Variants in SAMD5 observed in about 807,000 individuals in gnomAD.
SAMD5 encodes the protein sterile alpha motif domain containing 5, also known as sterile alpha motif domain-containing protein 5.
In SAMD5, 13 loss-of-function variants were observed where a neutral mutation model predicts 11.3. That is an observed-to-expected ratio of 1.15 (90% CI 0.75 to 1.83). The LOEUF is 1.83. Among genes scored for constraint, SAMD5 ranks in the 40% most tolerant of loss-of-function variants. SAMD5 has a pLI of 0.00. For missense variants in SAMD5, 255 were observed against 239.1 expected (o/e 1.07, Z -0.44); for synonymous variants, 129 against 111.3 (o/e 1.16, Z -1.00).
chr6:147,522,546 A>G (rs926659407), intron 1 of SAMD5, among the ~76,000 whole-genome samples: 1 of 152,200 alleles, frequency 6.6e-6, no homozygotes, highest in Non-Finnish European at 1.5e-5. Flanking sequence ...CGTAACTGAG[A>G]AGAAGTAAAA....
chr6:147,794,105 A>G, the SAMD5 span, among the ~76,000 whole-genome samples: 8 of 152,204 alleles, frequency 5.3e-5, no homozygotes, highest in Admixed American at 4.6e-4. Flanking sequence ...GAAAAAATGC[A>G]TCTGTCTTCC....
the SAMD5 span, among the ~76,000 whole-genome samples, chr6:147,852,961 G>A: frequency 5.0e-4 from 76 of 152,168 alleles, 1 homozygote; most frequent in African/African-American, 1.7e-3. Context: ...TAAAACATTC[G>A]ATTTGTCATC....
At chr6:147,877,891 A>ATAGC in the SAMD5 span, among the ~76,000 whole-genome samples, 46 of 90,266 alleles carry the variant, frequency 5.1e-4, no homozygotes, top group Admixed American at 2.7e-3. Flanking sequence ...CGATAGATAG[A>ATAGC]TAGCTAGATA....
intron 1 of SAMD5, among the ~76,000 whole-genome samples, chr6:147,520,188 G>C (rs1788230855): frequency 6.7e-6 from 1 of 149,044 alleles, no homozygotes; most frequent in Non-Finnish European, 1.5e-5. Context: ...CACCATCTTG[G>C]CTCACTGCAA....
the SAMD5 span, among the ~76,000 whole-genome samples, chr6:147,802,434 A>G: frequency 6.6e-4 from 101 of 152,000 alleles, no homozygotes; most frequent in Admixed American, 1.6e-3. Flanking sequence ...ATGTGGAACA[A>G]CTCGAGCTCT....
the SAMD5 span, among the ~76,000 whole-genome samples, chr6:147,796,711 G>T: frequency 1.3e-5 from 2 of 152,066 alleles, no homozygotes; most frequent in Non-Finnish European, 2.9e-5. Flanking sequence ...ATGGAATGTT[G>T]TTCCATTTGT....
chr6:147,621,221 C>G (rs762693262), intron 1 of SAMD5, among the ~76,000 whole-genome samples: 6 of 151,944 alleles, frequency 3.9e-5, no homozygotes, highest in Non-Finnish European at 8.8e-5. Context: ...GATGAGAAGA[C>G]CTTGGAGAAA....
At chr6:147,590,804 T>C (rs1162138042) in intron 1 of SAMD5, among the ~76,000 whole-genome samples, 1 of 152,220 alleles carries the variant, frequency 6.6e-6, no homozygotes, top group Non-Finnish European at 1.5e-5. Context: ...TTCTCAGAAA[T>C]GATTTTCACC....
intron 1 of SAMD5, among the ~76,000 whole-genome samples, chr6:147,655,274 C>T (rs184125736): frequency 7.6e-4 from 115 of 152,294 alleles, no homozygotes; most frequent in African/African-American, 2.5e-3. Context: ...AGCTGCTAAG[C>T]AACCTGCATG....
chr6:147,713,517 G>C (rs916838830), intron 1 of SAMD5, among the ~76,000 whole-genome samples: 3 of 152,162 alleles, frequency 2.0e-5, no homozygotes, highest in African/African-American at 7.2e-5. Flanking sequence ...CGGCAGCAGA[G>C]CTGGGTCAGC....
chr6:147,734,711 T>TAA (rs61482319), intron 1 of SAMD5, among the ~76,000 whole-genome samples: 9 of 26,108 alleles, frequency 3.4e-4, no homozygotes, highest in East Asian at 2.2e-3. Flanking sequence ...AGACTCCATC[T>TAA]AAAAAAAAAA....
At chr6:147,921,274 AACAC>A in the SAMD5 span, among the ~76,000 whole-genome samples, 2,708 of 141,040 alleles carry the variant, frequency 0.019, 37 homozygotes, top group South Asian at 0.038. Context: ...GAGAGTATAA[AACAC>A]ACACACACAC....
At chr6:147,570,836 A>G (rs540115978), downstream of SAMD5, among the ~76,000 whole-genome samples, 86 of 152,320 alleles carry the variant, frequency 5.6e-4, no homozygotes, top group African/African-American at 2.0e-3. Flanking sequence ...TGTAGTTAAG[A>G]GACTAAGGTG....
the SAMD5 span, among the ~76,000 whole-genome samples, chr6:147,937,007 G>A: frequency 0.23 from 34,995 of 151,890 alleles, 4,619 homozygotes; most frequent in African/African-American, 0.35. Flanking sequence ...GATACATGGT[G>A]TCAACAAAAA....
intron 1 of SAMD5, among the ~76,000 whole-genome samples, chr6:147,691,517 T>A (rs1791103014): frequency 6.6e-6 from 1 of 152,196 alleles, no homozygotes; most frequent in Admixed American, 6.5e-5. Flanking sequence ...AATGCTTGAC[T>A]TATAAAGTGA....
At chr6:147,520,971 T>C (rs762207597) in intron 1 of SAMD5, among the ~76,000 whole-genome samples, 38 of 152,124 alleles carry the variant, frequency 2.5e-4, no homozygotes, top group Non-Finnish European at 4.7e-4. Flanking sequence ...TTGTTCATCC[T>C]GTCTAATTGA....
chr6:147,660,876 T>C (rs951656518), intron 1 of SAMD5: 8 of 152,244 alleles, frequency 5.3e-5, no homozygotes, highest in African/African-American at 1.7e-4. Flanking sequence ...TAGTTCTATA[T>C]AGCAGTGCAA....
the SAMD5 span, among the ~76,000 whole-genome samples, chr6:147,872,984 C>A: frequency 6.6e-5 from 10 of 152,204 alleles, no homozygotes; most frequent in African/African-American, 2.4e-4. Flanking sequence ...TGTACAAGCA[C>A]ATAATCAACA....
the SAMD5 span, among the ~76,000 whole-genome samples, chr6:147,749,562 T>C: frequency 6.6e-6 from 1 of 152,188 alleles, no homozygotes; most frequent in Non-Finnish European, 1.5e-5. Flanking sequence ...TCAGTAAATA[T>C]AGGTTGAATG....
Sources: gnomAD v4.1 joint callset for allele counts (sites outside exome capture counted in the v4.1 genomes callset) on GRCh38, gnomAD v4.1.1 for gene constraint, MANE v1.5 for transcripts, NCBI Gene and HGNC (gene_info 2026-07-23, HGNC 2026-07-21) for gene names.